The following AUH variants were observed in gnomAD, a reference collection of about 807,000 sequenced individuals.
The protein encoded by AUH is methylglutaconyl-CoA hydratase, mitochondrial.
AUH carries 29 observed loss-of-function variants against 42.3 expected under a neutral mutation model. The observed-to-expected ratio is 0.69, with a 90% CI of 0.51 to 0.93. The LOEUF (loss-of-function observed/expected upper bound fraction) is 0.93. Among genes scored for constraint, AUH ranks in the 40% least tolerant of loss-of-function variants. The pLI, the probability that AUH is intolerant of heterozygous loss-of-function variation, is 0.00. For synonymous variants in AUH, 174 were observed against 166.4 expected, an observed-to-expected ratio of 1.05 and a Z score of -0.35; for missense variants, 452 against 438.1, an observed-to-expected ratio of 1.03 and a Z score of -0.28.
At chr9:91,243,316 A>C (rs1828618811) in intron 6 of AUH, among the ~76,000 whole-genome samples, 1 of 152,254 alleles carries the variant, frequency 6.6e-6, no homozygotes, top group African/African-American at 2.4e-5. Flanking sequence ...AAGCATACGA[A>C]TATAACTGGG....
chr9:91,334,907 T>C (rs1342923637), intron 3 of AUH, among the ~76,000 whole-genome samples: 1 of 152,106 alleles, frequency 6.6e-6, no homozygotes, highest in Non-Finnish European at 1.5e-5. Context: ...AATAATCAGG[T>C]CAAGATAACC....
At chr9:91,260,196 CTT>C (rs955998405) in intron 6 of AUH, among the ~76,000 whole-genome samples, 1 of 152,026 alleles carries the variant, frequency 6.6e-6, no homozygotes, top group Non-Finnish European at 1.5e-5. Flanking sequence ...TCCTTCTATC[CTT>C]TTAGTTTTAA....
chr9:91,331,893 C>T (rs1441508356), intron 3 of AUH, among the ~76,000 whole-genome samples: 3 of 152,318 alleles, frequency 2.0e-5, no homozygotes, highest in Non-Finnish European at 4.4e-5. Context: ...TCTTCAACAG[C>T]CAAAAACGTC....
At chr9:91,277,566 A>G (rs1825641516) in intron 6 of AUH, among the ~76,000 whole-genome samples, 1 of 152,156 alleles carries the variant, frequency 6.6e-6, no homozygotes, top group South Asian at 2.1e-4. Flanking sequence ...GTATAATATA[A>G]TAATTTTAGG....
chr9:91,271,365 G>T (rs1366433165), intron 6 of AUH, among the ~76,000 whole-genome samples: 1 of 152,232 alleles, frequency 6.6e-6, no homozygotes, highest in African/African-American at 2.4e-5. Flanking sequence ...TTCAATCAAA[G>T]CTTGACAGCT....
intron 3 of AUH, among the ~76,000 whole-genome samples, chr9:91,353,468 T>C (rs1458077119): frequency 6.6e-6 from 1 of 152,206 alleles, no homozygotes; most frequent in East Asian, 1.9e-4. Context: ...CAATAACTGA[T>C]AAATGTGGCC....
chr9:91,275,898 G>A (rs933454216), intron 6 of AUH, among the ~76,000 whole-genome samples: 3 of 152,164 alleles, frequency 2.0e-5, no homozygotes, highest in Non-Finnish European at 1.5e-5. Flanking sequence ...TCATGGAGAT[G>A]TGCCAAATGC....
In AUH at chr9:91,316,494, T is replaced by C. The variant is rs1829167728; in HGVS notation, c.505+8824A>G. On this transcript the variant is annotated intron_variant, in intron 4 of 9. Coordinates refer to ENST00000375731, the MANE Select transcript of AUH (RefSeq NM_001698.3). ...GCAGTTACACCAGTTCAGCTCCCAT[T>C]AGAAGTATAAATCTTCCTGCCTGGT... Among the ~76,000 whole-genome samples, 5 of 152,356 alleles carry C rather than the reference T, an allele frequency of 3.3e-5. No individual in the cohort carries two copies. The South Asian group carries it at 1.0e-3, about 32-fold the overall frequency.
At chr9:91,316,544 A>T (rs907020782) in intron 4 of AUH, among the ~76,000 whole-genome samples, 6 of 152,222 alleles carry the variant, frequency 3.9e-5, no homozygotes, top group Non-Finnish European at 8.8e-5. Context: ...ACTAACTCTT[A>T]GTAAGACCTG....
chr9:91,282,771 G>C (rs974917288), intron 6 of AUH, among the ~76,000 whole-genome samples: 2 of 152,220 alleles, frequency 1.3e-5, no homozygotes, highest in East Asian at 3.9e-4. Flanking sequence ...GGAAGAAGCT[G>C]AATCCCTGAA....
rs1826706787 is a variant in AUH, at chr9:91,214,415, G to A, written c.953C>T (p.Thr318Ile). 6 of 1,607,752 alleles carry A rather than the reference G, an allele frequency of 3.7e-6. No homozygotes were observed. The highest frequency in any genetic ancestry group is 3.4e-6 in the Non-Finnish European group (4 of 1,176,810). ...EEACYAQTIPTKDRLEGLLAF... is the reference protein window; with the variant it reads ...EEACYAQTIPIKDRLEGLLAF... ...AAGAAGACCTTCAAGTCTGTCTTTT[G>A]TTGGAATGGTCTAAGAAAAACAAAA... The change falls in exon 10 of 10, where the codon ACA becomes ATA. Residue 318 changes from threonine (T) to isoleucine (I), a missense_variant. Thr to Ile is a moderately conservative substitution (Grantham distance 89). Transcript: ENST00000375731.
chr9:91,256,429 A>G (rs1340247210), intron 6 of AUH, among the ~76,000 whole-genome samples: 1 of 152,108 alleles, frequency 6.6e-6, no homozygotes, highest in Non-Finnish European at 1.5e-5. Flanking sequence ...GTGCTCATGA[A>G]GAGCACCTGG....
chr9:91,229,683 G>A (rs190483663), intron 6 of AUH, among the ~76,000 whole-genome samples: 83 of 152,232 alleles, frequency 5.5e-4, no homozygotes, highest in African/African-American at 1.9e-3. Context: ...GATTTTGCAA[G>A]CGGCTGGTAC....
intron 6 of AUH, among the ~76,000 whole-genome samples, chr9:91,224,414 T>G (rs1368966985): frequency 6.6e-6 from 1 of 152,228 alleles, no homozygotes; most frequent in Non-Finnish European, 1.5e-5. Context: ...GGGTTGCCTT[T>G]TCACTCTGTT....
intron 4 of AUH, among the ~76,000 whole-genome samples, chr9:91,317,469 G>GT (rs960092732): frequency 6.6e-6 from 1 of 152,122 alleles, no homozygotes; most frequent in Admixed American, 6.5e-5. Flanking sequence ...TCTTTTGTCT[G>GT]TTGTTGGTAT....
chr9:91,290,394 G>C (rs1826767703), intron 6 of AUH, among the ~76,000 whole-genome samples: 1 of 151,972 alleles, frequency 6.6e-6, no homozygotes. Flanking sequence ...TAGCCTGGGT[G>C]ACCAAGCAAG....
chr9:91,218,969 T>C (rs577354369), intron 7 of AUH: 2 of 985,406 alleles, frequency 2.0e-6, no homozygotes, highest in African/African-American at 3.5e-5. Context: ...TGGAGGAAAA[T>C]TAATTTTAAC....
intron 7 of AUH, 122 bp downstream of exon 7, chr9:91,220,683 G>T: frequency 1.0e-6 from 1 of 970,456 alleles, no homozygotes; most frequent in Non-Finnish European, 1.6e-6. Flanking sequence ...CAGAGCCCAC[G>T]CATCCCTTTA....
At chr9:91,361,239 A>G (rs1013036884) in intron 1 of AUH, among the ~76,000 whole-genome samples, 2 of 152,124 alleles carry the variant, frequency 1.3e-5, no homozygotes, top group African/African-American at 4.8e-5. Context: ...AGCTTTTACA[A>G]CTCCACCACT....
Sources: gnomAD v4.1 joint callset for allele counts (sites outside exome capture counted in the v4.1 genomes callset) on GRCh38, gnomAD v4.1.1 for gene constraint, MANE v1.5 for transcripts, NCBI Gene and HGNC (gene_info 2026-07-23, HGNC 2026-07-21) for gene names.